Variants in BICC1 observed in about 807,000 individuals in gnomAD.
The protein encoded by BICC1 is protein bicaudal C homolog 1.
A neutral mutation model predicts 111.0 loss-of-function variants in BICC1; 43 were observed. The ratio of observed to expected loss-of-function variants is 0.39; its 90% CI spans 0.30 to 0.50. The LOEUF (loss-of-function observed/expected upper bound fraction) is 0.50, where lower values mean the gene tolerates loss of function less well. Ranked by LOEUF, BICC1 falls within the 20% of genes least tolerant of loss-of-function variation. BICC1 has a pLI of 0.88. For missense variants in BICC1, 1,091 were observed against 1,203.2 expected, an observed-to-expected ratio of 0.91 and a Z score of 1.38; for synonymous variants, 467 against 434.4, an observed-to-expected ratio of 1.07 and a Z score of -0.93.
intron 1 of BICC1, among the ~76,000 whole-genome samples, chr10:58,596,817 A>G (rs1844829540): frequency 6.6e-6 from 1 of 152,190 alleles, no homozygotes; most frequent in Admixed American, 6.5e-5. Flanking sequence ...CTACTAAGAG[A>G]GTAAAATACC....
chr10:58,827,012 A>G (rs1473828624), intron 20 of BICC1, among the ~76,000 whole-genome samples: 1 of 152,230 alleles, frequency 6.6e-6, no homozygotes, highest in Non-Finnish European at 1.5e-5. Flanking sequence ...GAAGTCAGGA[A>G]GTAACTTGCC....
intron 3 of BICC1, among the ~76,000 whole-genome samples, chr10:58,743,937 C>T (rs1178081745): frequency 1.3e-5 from 2 of 151,974 alleles, no homozygotes. Context: ...AGATGGTTCC[C>T]GTGACAACAC....
intron 2 of BICC1, among the ~76,000 whole-genome samples, chr10:58,634,742 A>C (rs1837903873): frequency 6.6e-6 from 1 of 152,220 alleles, no homozygotes; most frequent in Non-Finnish European, 1.5e-5. Flanking sequence ...CAAAAGCTGA[A>C]CTATTGATAG....
At chr10:58,659,541 A>G (rs1371546315) in intron 2 of BICC1, among the ~76,000 whole-genome samples, 1 of 152,154 alleles carries the variant, frequency 6.6e-6, no homozygotes, top group East Asian at 1.9e-4. Flanking sequence ...TTGAGTACAC[A>G]TGGATGCGGC....
At chr10:58,760,135 G>A (rs1403583224) in intron 3 of BICC1, among the ~76,000 whole-genome samples, 1 of 152,094 alleles carries the variant, frequency 6.6e-6, no homozygotes, top group Non-Finnish European at 1.5e-5. Flanking sequence ...CTGTGAATTT[G>A]TATGTTGTGG....
chr10:58,824,326 A>C (rs1252521414), intron 20 of BICC1, among the ~76,000 whole-genome samples: 1 of 152,200 alleles, frequency 6.6e-6, no homozygotes, highest in Non-Finnish European at 1.5e-5. Context: ...CCCTTAAAGA[A>C]GACTTGAATA....
At chr10:58,816,064 C>T (rs1423490813) in intron 18 of BICC1, among the ~76,000 whole-genome samples, 3 of 152,140 alleles carry the variant, frequency 2.0e-5, no homozygotes, top group African/African-American at 7.2e-5. Flanking sequence ...TCCTGGGCAT[C>T]CCTATTTATA....
rs538696819 is a variant in BICC1, at chr10:58,551,855, C to T, written c.190+38522C>T. On this transcript the variant is annotated intron_variant, in intron 1 of 20. Coordinates refer to ENST00000373886, the MANE Select transcript of BICC1 (RefSeq NM_001080512.3). Reference sequence around the variant, plus strand: ...CTAAGTTTGTATTATTTTGTTACAGCAGCATTAGGAAAGTAATACAGATGT... The same window carrying T: ...CTAAGTTTGTATTATTTTGTTACAGTAGCATTAGGAAAGTAATACAGATGT... Among the ~76,000 whole-genome samples, 4 of 152,056 alleles carry T rather than the reference C, an allele frequency of 2.6e-5. No individual in the cohort carries two copies. The South Asian group carries it at 6.2e-4, about 24-fold the overall frequency.
intron 1 of BICC1, among the ~76,000 whole-genome samples, chr10:58,536,082 A>G (rs183420049): frequency 1.9e-3 from 291 of 151,914 alleles, no homozygotes; most frequent in Middle Eastern, 6.8e-3. Flanking sequence ...TCGTAAAGCA[A>G]CTACCACTAG....
rs1410551222 is a variant in BICC1, at chr10:58,547,808, C to A, written c.190+34475C>A. Among the ~76,000 whole-genome samples, 5 of 152,100 alleles carry A rather than the reference C, an allele frequency of 3.3e-5. No homozygotes were observed. The South Asian group carries it at 1.0e-3, about 32-fold the overall frequency. On this transcript the variant is annotated intron_variant, in intron 1 of 20. Transcript: ENST00000373886. ...TTGGCTACTGTGTCCCTTTGATATA[C>A]CCCCACTGTTGCATTGTTGTTGTTT...
At chr10:58,642,312 G>A (rs966927994) in intron 2 of BICC1, among the ~76,000 whole-genome samples, 1 of 152,110 alleles carries the variant, frequency 6.6e-6, no homozygotes, top group African/African-American at 2.4e-5. Context: ...GTGTTTTCAT[G>A]TACTGAGTAC....
chr10:58,567,435 G>T (rs769196916), intron 1 of BICC1, among the ~76,000 whole-genome samples: 37 of 151,542 alleles, frequency 2.4e-4, no homozygotes, highest in Non-Finnish European at 4.7e-4. Flanking sequence ...TCTTTTAGGG[G>T]ATATATATAT....
intron 1 of BICC1, among the ~76,000 whole-genome samples, chr10:58,583,574 T>TTCTCTC (rs370334520): frequency 1.8e-4 from 25 of 137,200 alleles, no homozygotes; most frequent in East Asian, 4.4e-4. Flanking sequence ...CTGAGTAGTA[T>TTCTCTC]TCTCTCTCTC....
At chr10:58,764,784 G>C (rs565764298) in intron 3 of BICC1, among the ~76,000 whole-genome samples, 12 of 152,086 alleles carry the variant, frequency 7.9e-5, no homozygotes, top group African/African-American at 2.4e-4. Flanking sequence ...CTGAAATTTA[G>C]GGACACTGAG....
rs149263699 is a variant in BICC1 at position 58,659,525 on chromosome 10, T to C, written c.237+38624T>C. Among the ~76,000 whole-genome samples the C allele has an allele frequency of 1.1e-3, 173 of 152,212 alleles. 1 individual carries two copies. In the East Asian group the frequency reaches 0.033, roughly 29 times the overall value. On this transcript the variant is annotated intron_variant, in intron 2 of 20. Coordinates refer to ENST00000373886, the MANE Select transcript of BICC1 (RefSeq NM_001080512.3). ...TGTATTCTCACTTATAAGTGGGAGCTAAACTTTGAGTACACATGGATGCGG... is the reference window on the plus strand; with the variant it reads ...TGTATTCTCACTTATAAGTGGGAGCCAAACTTTGAGTACACATGGATGCGG...
At position 58,800,387 on chromosome 10, in the gene BICC1, G is replaced by A. The variant is rs943676758; in HGVS notation, c.1858+61G>A. On this transcript the variant is annotated intron_variant, in intron 13 of 20. Coordinates refer to ENST00000373886, the MANE Select transcript of BICC1 (RefSeq NM_001080512.3). ...TGTTATTTGGAAAAAGGAGGTTGTA[G>A]AGAGTCTATGCAGTGATTTTTGAGT... is the stretch of plus-strand genomic sequence containing the variant. 11 of 1,559,348 alleles carry A rather than the reference G, an allele frequency of 7.1e-6. No individual in the cohort carries two copies. The African/African-American group carries it at 9.5e-5, about 13-fold the overall frequency.
chr10:58,587,844 G>T (rs1844480597), intron 1 of BICC1, among the ~76,000 whole-genome samples: 1 of 152,172 alleles, frequency 6.6e-6, no homozygotes, highest in African/African-American at 2.4e-5. Flanking sequence ...CTAGGGGTGT[G>T]TTTAAGGTTA....
chr10:58,761,415 C>G (rs77737799), intron 3 of BICC1, among the ~76,000 whole-genome samples: 3,907 of 152,302 alleles, frequency 0.026, 82 homozygotes, highest in Middle Eastern at 0.071. Flanking sequence ...CTCCATCACA[C>G]CCAACTCAGT....
intron 1 of BICC1, among the ~76,000 whole-genome samples, chr10:58,578,484 T>A (rs1251336136): frequency 6.6e-6 from 1 of 152,230 alleles, no homozygotes; most frequent in Non-Finnish European, 1.5e-5. Flanking sequence ...TAATAAAGAA[T>A]CATGAAGAAA....
Sources: allele counts gnomAD v4.1 joint callset (sites outside exome capture counted in the v4.1 genomes callset), GRCh38; gene constraint gnomAD v4.1.1; transcripts MANE v1.5; gene names NCBI Gene and HGNC (gene_info 2026-07-23, HGNC 2026-07-21).